Variants in NFASC observed in about 807,000 individuals in gnomAD.
NFASC encodes neurofascin.
A neutral mutation model predicts 147.5 loss-of-function variants in NFASC; 43 were observed. The observed-to-expected ratio is 0.29, with a 90% CI of 0.23 to 0.38. NFASC has a LOEUF of 0.38. Among genes scored for constraint, NFASC ranks in the 10% least tolerant of loss-of-function variants. NFASC has a pLI of 1.00. For synonymous variants in NFASC, 622 were observed against 665.5 expected (o/e 0.93, Z 1.01); for missense variants, 1,320 against 1,689.0 (o/e 0.78, Z 3.83).
chr1:204,976,924 C>G, intron 16 of NFASC, 129 bp downstream of exon 16: 1 of 1,455,166 alleles, frequency 6.9e-7, no homozygotes, highest in Non-Finnish European at 9.1e-7. Flanking sequence ...GTGGTGATCT[C>G]TTCTTGCCTC....
chr1:204,880,388 C>T (rs2079938745), intron 1 of NFASC, among the ~76,000 whole-genome samples: 1 of 152,180 alleles, frequency 6.6e-6, no homozygotes, highest in Admixed American at 6.5e-5. Context: ...CAGAGTCTCG[C>T]TCTGTTGCCC....
chr1:204,903,956 A>G (rs1447182443), intron 1 of NFASC, among the ~76,000 whole-genome samples: 2 of 152,358 alleles, frequency 1.3e-5, no homozygotes, highest in African/African-American at 4.8e-5. Flanking sequence ...ACTAGGTTTC[A>G]GCATGGCATA....
At chr1:204,910,993 A>T (rs1312065422) in intron 1 of NFASC, among the ~76,000 whole-genome samples, 1 of 152,224 alleles carries the variant, frequency 6.6e-6, no homozygotes, top group African/African-American at 2.4e-5. Context: ...TAGTGAAAGC[A>T]GATATCCTTG....
At chr1:204,843,908 G>A (rs1014798190) in intron 1 of NFASC, among the ~76,000 whole-genome samples, 17 of 151,862 alleles carry the variant, frequency 1.1e-4, no homozygotes, top group African/African-American at 3.6e-4. Flanking sequence ...TAGTAGATAC[G>A]GGGGTTTTTA....
intron 24 of NFASC, among the ~76,000 whole-genome samples, chr1:204,994,367 G>A (rs568350832): frequency 2.0e-5 from 3 of 152,316 alleles, no homozygotes; most frequent in South Asian, 2.1e-4. Context: ...CAGCAGGGCC[G>A]GTGAGGAAAA....
At chr1:204,935,004 G>C (rs2092709628) in intron 2 of NFASC, among the ~76,000 whole-genome samples, 1 of 152,214 alleles carries the variant, frequency 6.6e-6, no homozygotes, top group South Asian at 2.1e-4. Flanking sequence ...GGAATTCATG[G>C]TGCAGTTGGG....
At chr1:204,982,548 G>A (rs2095529384) in intron 21 of NFASC, among the ~76,000 whole-genome samples, 4 of 152,202 alleles carry the variant, frequency 2.6e-5, no homozygotes, top group Admixed American at 2.6e-4. Context: ...AGCCCCTCCT[G>A]GTGCTCCCGC....
chr1:204,890,444 C>G (rs538508701), intron 1 of NFASC, among the ~76,000 whole-genome samples: 1 of 152,232 alleles, frequency 6.6e-6, no homozygotes, highest in South Asian at 2.1e-4. Context: ...GGAAACTTAG[C>G]TTTTTCTCTT....
chr1:204,994,695 G>A (rs922956067), intron 24 of NFASC, among the ~76,000 whole-genome samples: 4 of 152,156 alleles, frequency 2.6e-5, no homozygotes, highest in Admixed American at 6.5e-5. Flanking sequence ...TCGCTCTGTC[G>A]CCCAGGCTAG....
chr1:204,942,029 G>A (rs2093395642), intron 2 of NFASC, among the ~76,000 whole-genome samples: 1 of 151,984 alleles, frequency 6.6e-6, no homozygotes, highest in Admixed American at 6.6e-5. Context: ...TCCATATGTC[G>A]ATCCCTCTCA....
In NFASC at chr1:204,986,931, A is replaced by C; in HGVS notation, c.2471-487A>C. On this transcript the variant is annotated intron_variant, in intron 21 of 29. Coordinates refer to ENST00000339876, the MANE Select transcript of NFASC (RefSeq NM_001005388.3). This position sits in a 1 kb window ranked among gnomAD's most constrained non-coding sequence, Gnocchi z 4.2. ...CCCTCCCACCTCTTCCGGATGTTCC[A>C]CCCTGGCTTTCTGTCTCCTTACCCC... 6.3e-6 allele frequency: 1 copy of C among 157,590 alleles called. No individual in the cohort carries two copies. Among genetic ancestry groups the C allele is most frequent in the Admixed American group, 6.2e-5 (1 of 16,096 alleles). 9.8% of individuals were successfully genotyped at this position (157,590 alleles called of 1,614,324 possible).
At chr1:204,980,491 C>G (rs777122860) in intron 20 of NFASC, 51 bp downstream of exon 20, 10 of 1,382,222 alleles carry the variant, frequency 7.2e-6, no homozygotes, top group Admixed American at 3.7e-5. Flanking sequence ...CCGCATGCAC[C>G]GGGAGCCCCT....
At chr1:204,888,644 C>G (rs541461628) in intron 1 of NFASC, among the ~76,000 whole-genome samples, 1 of 152,300 alleles carries the variant, frequency 6.6e-6, no homozygotes, top group Non-Finnish European at 1.5e-5. Flanking sequence ...ATACACAACA[C>G]CTTAAATTCT....
chr1:204,880,358 T>G (rs80141006), intron 1 of NFASC, among the ~76,000 whole-genome samples: 2,975 of 152,280 alleles, frequency 0.02, 122 homozygotes, highest in African/African-American at 0.068. Context: ...ATTTCTTTTT[T>G]ATTTATTTAT....
intron 2 of NFASC, among the ~76,000 whole-genome samples, chr1:204,923,078 C>CA (rs2090823765): frequency 6.6e-6 from 1 of 152,198 alleles, no homozygotes; most frequent in African/African-American, 2.4e-5. Flanking sequence ...GATTCAAATC[C>CA]TGTGGTCCAA....
intron 1 of NFASC, among the ~76,000 whole-genome samples, chr1:204,875,692 C>T (rs1292489776): frequency 6.6e-6 from 1 of 152,126 alleles, no homozygotes; most frequent in African/African-American, 2.4e-5. Flanking sequence ...CCCTCAGGTC[C>T]CCTGCTGTGG....
intron 8 of NFASC, among the ~76,000 whole-genome samples, chr1:204,965,658 G>A (rs188629937): frequency 1.6e-4 from 24 of 152,306 alleles, no homozygotes; most frequent in African/African-American, 4.6e-4. Flanking sequence ...GTAAAACATA[G>A]TGGAAGAGTT....
intron 29 of NFASC, among the ~76,000 whole-genome samples, chr1:205,013,697 G>A (rs1482155579): frequency 6.6e-6 from 1 of 152,200 alleles, no homozygotes; most frequent in African/African-American, 2.4e-5. Context: ...AGTGGGCTGT[G>A]GAGTGTCATT....
intron 1 of NFASC, among the ~76,000 whole-genome samples, chr1:204,835,890 G>A (rs1673646176): frequency 6.6e-6 from 1 of 152,184 alleles, no homozygotes; most frequent in African/African-American, 2.4e-5. Context: ...AACTGGAGTG[G>A]ATTGATCAGA....
Sources: gnomAD v4.1 joint callset for allele counts (sites outside exome capture counted in the v4.1 genomes callset) on GRCh38, gnomAD v4.1.1 for gene constraint, Gnocchi (gnomAD v3.1) non-coding constraint, MANE v1.5 for transcripts, NCBI Gene and HGNC (gene_info 2026-07-23, HGNC 2026-07-21) for gene names.